The following TBC1D32 variants were observed in gnomAD, a reference collection of about 807,000 sequenced individuals.
The protein encoded by TBC1D32 is protein broad-minded.
In TBC1D32, 151 loss-of-function variants were observed where a neutral mutation model predicts 170.3. The observed-to-expected ratio is 0.89, with a 90% confidence interval of 0.78 to 1.01. The LOEUF (loss-of-function observed/expected upper bound fraction) is 1.01. TBC1D32 is among the 50% of genes least tolerant of loss of function. The pLI is 0.00. For missense variants in TBC1D32, 1,464 were observed against 1,457.1 expected, an observed-to-expected ratio of 1.00 and a Z score of -0.08; for synonymous variants, 498 against 488.0, an observed-to-expected ratio of 1.02 and a Z score of -0.27.
chr6:121,331,236 T>C (rs1811172621), intron 1 of TBC1D32, among the ~76,000 whole-genome samples: 1 of 152,148 alleles, frequency 6.6e-6, no homozygotes, highest in Admixed American at 6.5e-5. Flanking sequence ...AGACGGAGTC[T>C]CTCTCTCTGT....
intron 24 of TBC1D32, among the ~76,000 whole-genome samples, chr6:121,157,725 C>T (rs1583013417): frequency 6.6e-6 from 1 of 152,048 alleles, no homozygotes; most frequent in Non-Finnish European, 1.5e-5. Flanking sequence ...TTAGTAGTTG[C>T]TTATCTGAGA....
intron 10 of TBC1D32, among the ~76,000 whole-genome samples, chr6:121,296,160 A>G (rs951094664): frequency 3.9e-5 from 6 of 152,158 alleles, no homozygotes; most frequent in African/African-American, 1.4e-4. Flanking sequence ...AGCATGTCTT[A>G]TGTGATTCTA....
chr6:121,211,569 G>A (rs1793065736), intron 21 of TBC1D32, among the ~76,000 whole-genome samples: 1 of 152,102 alleles, frequency 6.6e-6, no homozygotes, highest in Non-Finnish European at 1.5e-5. Context: ...TATGATGTTT[G>A]GTTTTCCATT....
chr6:121,181,926 T>C (rs963796025), intron 22 of TBC1D32, among the ~76,000 whole-genome samples: 1 of 152,074 alleles, frequency 6.6e-6, no homozygotes, highest in Non-Finnish European at 1.5e-5. Context: ...AAAAAGCAGA[T>C]TTCATGGAAG....
At chr6:121,234,105 A>G (rs1026194468) in intron 20 of TBC1D32, among the ~76,000 whole-genome samples, 6 of 152,150 alleles carry the variant, frequency 3.9e-5, no homozygotes, top group African/African-American at 1.4e-4. Context: ...GTTTTCCTTT[A>G]TAAGTTACCT....
chr6:121,131,193 C>T (rs1411231079), intron 25 of TBC1D32, among the ~76,000 whole-genome samples: 1 of 151,760 alleles, frequency 6.6e-6, no homozygotes, highest in Non-Finnish European at 1.5e-5. Context: ...AACTTGTTTG[C>T]TAATTTAGAA....
chr6:121,320,889 G>T (rs993783992), intron 2 of TBC1D32, among the ~76,000 whole-genome samples: 2 of 152,004 alleles, frequency 1.3e-5, no homozygotes, highest in African/African-American at 4.8e-5. Context: ...GTTTTCAAAT[G>T]ACATCATGTA....
chr6:121,106,106 T>C lies in TBC1D32; in HGVS notation c.3382A>G (p.Thr1128Ala), dbSNP rs750727198. The C allele has an allele frequency of 5.6e-6, 9 of 1,605,606 alleles. No individual in the cohort carries two copies. The highest frequency in any genetic ancestry group is 5.0e-5 in the Admixed American group (3 of 59,896). ...TTCAGTAGCATTTCAATATAATGGG[T>C]GCTGCAAAAATATACTGGATGGATG... ...SGIHPVYFCS[T>A]HYIEMLLKAE... is the part of the protein sequence containing the mutation. The change falls in exon 30 of 32, where the codon ACC becomes GCC. Residue 1128 changes from threonine (T) to alanine (A), a missense_variant. Physicochemically the swap from Thr to Ala is moderately conservative, Grantham distance 58. Around this residue, in one of 3 missense-constraint regions of TBC1D32, gnomAD observed 1,363 missense variants for 1,338.1 expected, o/e 1.02. Coordinates refer to ENST00000398212, the MANE Select transcript of TBC1D32 (RefSeq NM_152730.6).
intron 31 of TBC1D32, among the ~76,000 whole-genome samples, chr6:121,090,303 T>C (rs1776672931): frequency 6.6e-6 from 1 of 152,236 alleles, no homozygotes; most frequent in South Asian, 2.1e-4. Flanking sequence ...GATGTATTTA[T>C]ATCTCATGTA....
intron 24 of TBC1D32, among the ~76,000 whole-genome samples, chr6:121,146,371 C>G (rs1043811810): frequency 1.3e-5 from 2 of 152,154 alleles, no homozygotes; most frequent in African/African-American, 2.4e-5. Context: ...ACAAGTCACA[C>G]TGGCAGTTCC....
At chr6:121,230,928 T>A (rs986641455) in intron 20 of TBC1D32, among the ~76,000 whole-genome samples, 5 of 152,062 alleles carry the variant, frequency 3.3e-5, no homozygotes, top group African/African-American at 1.2e-4. Context: ...TAGTCTCTTA[T>A]CCATCACCAT....
intron 22 of TBC1D32, among the ~76,000 whole-genome samples, chr6:121,173,740 G>A (rs1776811): frequency 6.9e-4 from 105 of 151,996 alleles, no homozygotes; most frequent in African/African-American, 2.4e-3. Flanking sequence ...GAGGATGGCC[G>A]GAAAAAGGAG....
intron 17 of TBC1D32, among the ~76,000 whole-genome samples, chr6:121,254,442 G>A (rs879287550): frequency 6.6e-6 from 1 of 151,994 alleles, no homozygotes; most frequent in Non-Finnish European, 1.5e-5. Flanking sequence ...ATTAAAAAAT[G>A]AGATCTAAAA....
intron 25 of TBC1D32, chr6:121,129,908 C>G: frequency 2.2e-6 from 1 of 448,358 alleles, no homozygotes; most frequent in South Asian, 1.6e-5. Context: ...ACAGGAAAAA[C>G]CTAAAAATTG....
At chr6:121,151,270 T>G (rs1000062063) in intron 24 of TBC1D32, among the ~76,000 whole-genome samples, 1 of 152,244 alleles carries the variant, frequency 6.6e-6, no homozygotes, top group African/African-American at 2.4e-5. Flanking sequence ...CCAGTAGTCA[T>G]GCAGGAGCAG....
rs9320795 is a variant in TBC1D32, at chr6:121,205,301, G to T, written c.2482-138C>A. 1,634 of 459,418 alleles carry T rather than the reference G, an allele frequency of 3.6e-3. 22 individuals carry two copies. Among genetic ancestry groups the T allele is most frequent in the African/African-American group, 0.03 (1,405 of 47,478 alleles). The allele number at this position is 459,418 out of a possible 1,614,324, so 28.5% of individuals were successfully genotyped here. On this transcript the variant is annotated intron_variant, in intron 21 of 31. Coordinates refer to ENST00000398212, the MANE Select transcript of TBC1D32 (RefSeq NM_152730.6). ...TCACCTGGGGAGCTGTAAATAATAA[G>T]AAGAAGAAGAAGAAGAAGAATAATA...
At chr6:121,212,028 C>CACACACACACACACACAT (rs1179203925) in intron 21 of TBC1D32, among the ~76,000 whole-genome samples, 9 of 143,240 alleles carry the variant, frequency 6.3e-5, no homozygotes, top group African/African-American at 2.3e-4. Flanking sequence ...CACACACACA[C>CACACACACACACACACAT]GACAAAAGGG....
At chr6:121,255,303 C>T in intron 17 of TBC1D32, 25 bp downstream of exon 17, 2 of 1,363,782 alleles carry the variant, frequency 1.5e-6, no homozygotes, top group Non-Finnish European at 1.0e-6. Flanking sequence ...ATAATAAATG[C>T]ATGACTTTCA....
Position 121,160,936 on chromosome 6 carries a change from C to T in TBC1D32, c.2679+12G>A. 1.2e-6 allele frequency: 2 copies of T among 1,604,412 alleles called. No individual in the cohort carries two copies. Among genetic ancestry groups the T allele is most frequent in the Non-Finnish European group, 1.7e-6 (2 of 1,171,332 alleles). On this transcript the variant is annotated intron_variant, in intron 23 of 31. Coordinates refer to ENST00000398212, the MANE Select transcript of TBC1D32 (RefSeq NM_152730.6). Reference sequence around the variant, plus strand: ...GAAAAACACATCCCACTTCTCTTTGCCCCACACTCACCTTTTCGAGTAACC... The same window carrying T: ...GAAAAACACATCCCACTTCTCTTTGTCCCACACTCACCTTTTCGAGTAACC...
Sources: gnomAD v4.1 joint callset for allele counts (sites outside exome capture counted in the v4.1 genomes callset) on GRCh38, gnomAD v4.1.1 for gene constraint, gnomAD v4.1.1 regional missense constraint, MANE v1.5 for transcripts, NCBI Gene and HGNC (gene_info 2026-07-23, HGNC 2026-07-21) for gene names.